DCAF4: variants seen among roughly 807,000 people sequenced by gnomAD.
DCAF4 encodes the protein DDB1- and CUL4-associated factor 4.
A neutral mutation model predicts 60.9 loss-of-function variants in DCAF4; 37 were observed. The ratio of observed to expected loss-of-function variants is 0.61; its 90% CI spans 0.47 to 0.80. The LOEUF is 0.80. Among genes scored for constraint, DCAF4 ranks in the 30% least tolerant of loss-of-function variants. The pLI is 0.00. For missense variants in DCAF4, 577 were observed against 650.0 expected (o/e 0.89, Z 1.22); for synonymous variants, 243 against 254.8 (o/e 0.95, Z 0.44).
At chr14:72,956,590 AC>A in intron 13 of DCAF4, 90 bp downstream of exon 13, 1 of 1,268,032 alleles carries the variant, frequency 7.9e-7, no homozygotes, top group South Asian at 1.3e-5. Context: ...GGGAAAAGTT[AC>A]CCCAAAACAG....
intron 1 of DCAF4, among the ~76,000 whole-genome samples, chr14:72,931,372 T>C (rs1888561848): frequency 6.6e-6 from 1 of 152,004 alleles, no homozygotes; most frequent in South Asian, 2.1e-4. Context: ...GGCTGTTCAT[T>C]GCCTGAACCA....
At chr14:72,936,189 T>C (rs1889240837) in intron 1 of DCAF4, among the ~76,000 whole-genome samples, 1 of 152,242 alleles carries the variant, frequency 6.6e-6, no homozygotes, top group African/African-American at 2.4e-5. Flanking sequence ...CTGTATTCTT[T>C]AGCTGGGGTA....
chr14:72,929,858 T>C (rs1599564855), intron 1 of DCAF4: 3 of 1,480,726 alleles, frequency 2.0e-6, no homozygotes, highest in Non-Finnish European at 2.8e-6. Context: ...CGGCTGTGCC[T>C]GGGCTTGCTC....
At chr14:72,957,389 A>G (rs1009890821) in intron 13 of DCAF4, 9 of 152,216 alleles carry the variant, frequency 5.9e-5, no homozygotes, top group African/African-American at 1.9e-4. Flanking sequence ...CAATGCTTTC[A>G]CACTGAAATA....
chr14:72,953,781 T>C (rs1891872151), intron 9 of DCAF4, among the ~76,000 whole-genome samples: 1 of 18,932 alleles, frequency 5.3e-5, no homozygotes, highest in Non-Finnish European at 1.3e-4. Context: ...TATTTATTTA[T>C]TTGTGTGTGT....
At chr14:72,958,576 C>G (rs1892590310) in intron 13 of DCAF4, 36 bp from the exon 14 acceptor site, 6 of 1,612,746 alleles carry the variant, frequency 3.7e-6, no homozygotes, top group Non-Finnish European at 5.1e-6. Context: ...TTTGCATTCT[C>G]TCACTAGCCT....
rs565965915 is a variant in DCAF4 at position 72,940,252 on chromosome 14, A to T, written c.226A>T (p.Lys76Ter). 15 of 1,614,066 alleles carry T rather than the reference A, an allele frequency of 9.3e-6. No homozygotes were observed. In the South Asian group the frequency reaches 1.6e-4, roughly 18 times the overall value. Reference sequence around the variant, plus strand: ...TGGGTTTTACTTTGACCCTGAAAAGAAACGCTACTTCCGCTTGCTCCCTGG... The same window carrying T: ...TGGGTTTTACTTTGACCCTGAAAAGTAACGCTACTTCCGCTTGCTCCCTGG... ...LPGFYFDPEK[K>*]RYFRLLPGHN... Residue 76 changes from lysine (K) to a stop codon, truncating the protein, a stop_gained, in exon 4 of 14, where the codon AAA becomes TAA. Coordinates refer to ENST00000358377, the MANE Select transcript of DCAF4 (RefSeq NM_015604.4). LOFTEE classifies it high-confidence loss of function.
intron 8 of DCAF4, among the ~76,000 whole-genome samples, 161 bp from the exon 9 acceptor site, chr14:72,951,637 A>G (rs939251369): frequency 2.6e-5 from 4 of 152,164 alleles, no homozygotes; most frequent in Admixed American, 2.6e-4. Context: ...AAAAAAAAAC[A>G]TCTGAAGGTA....
Position 72,940,302 on chromosome 14 carries a change from G to A in DCAF4, c.276G>A (p.Thr92=), listed in dbSNP as rs768918283. The A allele has an allele frequency of 7.4e-6, 12 of 1,614,052 alleles. No individual in the cohort carries two copies. The Admixed American group carries it at 1.2e-4, about 16-fold the overall frequency. The part of the protein sequence containing the change: ...LPGHNNCNPL[T]KESIRQKEME... ...GACATAACAACTGCAACCCCCTGAC[G>A]AAAGAGAGCATCCGGCAGAAGGAGA... The change falls in exon 4 of 14, where the codon ACG becomes ACA. Residue 92 remains threonine, a synonymous_variant. Coordinates refer to ENST00000358377, the MANE Select transcript of DCAF4 (RefSeq NM_015604.4).
At chr14:72,953,728 AAAAAATATATATAT>A (rs1333315928) in intron 9 of DCAF4, among the ~76,000 whole-genome samples, 16 of 37,756 alleles carry the variant, frequency 4.2e-4, no homozygotes, top group African/African-American at 1.5e-3. Flanking sequence ...AAAAAAAAAA[AAAAAATATATATAT>A]ATATATATAT....
At position 72,943,108 on chromosome 14, in the gene DCAF4, G is replaced by GGGGACACCTGCCTAGGGTGT. The variant is rs776432804; in HGVS notation, c.534+15_534+34dup. 7.6e-5 allele frequency: 123 copies of GGGGACACCTGCCTAGGGTGT among 1,612,774 alleles called. No homozygotes were observed. The highest frequency in any genetic ancestry group is 9.8e-5 in the Non-Finnish European group (115 of 1,178,904). ...TTAACCTCATACTGGTGAGTGGGAG[G>GGGGACACCTGCCTAGGGTGT]GGGACACCTGCCTAGGGTGTGGCTG... On this transcript the variant is annotated intron_variant, in intron 6 of 13. Coordinates refer to ENST00000358377, the MANE Select transcript of DCAF4 (RefSeq NM_015604.4).
intron 12 of DCAF4, among the ~76,000 whole-genome samples, chr14:72,955,971 G>A (rs1892238468): frequency 7.1e-6 from 1 of 140,392 alleles, no homozygotes; most frequent in Non-Finnish European, 1.5e-5. Context: ...CGCCCGGGCT[G>A]GAGTGCAGTG....
chr14:72,941,540 C>T (rs1270502586), intron 4 of DCAF4, among the ~76,000 whole-genome samples: 2 of 152,058 alleles, frequency 1.3e-5, no homozygotes, highest in Non-Finnish European at 2.9e-5. Context: ...AGCAGACTTT[C>T]CCACTCACAC....
At chr14:72,942,625 C>T (rs753968395) in intron 5 of DCAF4, 18 of 101,746 alleles carry the variant, frequency 1.8e-4, no homozygotes, top group Non-Finnish European at 3.5e-4. Flanking sequence ...GGGCTCTTCC[C>T]GGCAGCCGTA....
At chr14:72,930,009 G>C in intron 1 of DCAF4, 1 of 607,184 alleles carries the variant, frequency 1.6e-6, no homozygotes, top group Non-Finnish European at 2.9e-6. Context: ...GCTCGTGCCT[G>C]TAATTCCGGC....
chr14:72,958,800 A>G lies in DCAF4; in HGVS notation c.1483A>G (p.Ser495Gly). Reference sequence around the variant, plus strand: ...GCAGGACCTTTACTGTTACTCCTACAGCTAATTCTGCAGGGCACAGCCCAG... The same window carrying G: ...GCAGGACCTTTACTGTTACTCCTACGGCTAATTCTGCAGGGCACAGCCCAG... ...VGQDLYCYSY[S>G] The change falls in exon 14 of 14, where the codon AGC becomes GGC. Residue 495 changes from serine to glycine, a missense_variant. Ser to Gly is a moderately conservative substitution (Grantham distance 56). Coordinates refer to ENST00000358377, the MANE Select transcript of DCAF4 (RefSeq NM_015604.4). 1 of 1,557,764 alleles carries G rather than the reference A, an allele frequency of 6.4e-7. No homozygotes were observed. The highest frequency in any genetic ancestry group is 8.7e-7 in the Non-Finnish European group (1 of 1,154,722).
In DCAF4 at chr14:72,959,119, A is replaced by G. The variant is rs940415291; in HGVS notation, c.*314A>G. On this transcript the variant is annotated 3_prime_UTR_variant, in exon 14 of 14. Transcript: ENST00000358377. ...AAAAGGACTTTTCTAAGGACTGAAG[A>G]TTGGCAAAAACGAAAAGCTTCTTCC... 150 of 1,043,140 alleles carry G rather than the reference A, an allele frequency of 1.4e-4. No individual in the cohort carries two copies. The highest frequency in any genetic ancestry group is 5.7e-4 in the South Asian group (13 of 22,746). The allele number at this position is 1,043,140 out of a possible 1,614,324, so 64.6% of individuals were successfully genotyped here.
chr14:72,932,879 TTTTTC>T (rs1272387705), intron 1 of DCAF4, among the ~76,000 whole-genome samples: 1 of 140,018 alleles, frequency 7.1e-6, no homozygotes, highest in African/African-American at 2.5e-5. Context: ...GAATAATTTT[TTTTTC>T]TTTCTTTCTT....
At chr14:72,937,389 A>C (rs1023966092) in intron 1 of DCAF4, among the ~76,000 whole-genome samples, 1 of 145,920 alleles carries the variant, frequency 6.9e-6, no homozygotes, top group Non-Finnish European at 1.5e-5. Flanking sequence ...TAGGGGTTTC[A>C]TGCCTGGCAA....
Sources: gnomAD v4.1 joint callset for allele counts (sites outside exome capture counted in the v4.1 genomes callset) on GRCh38, gnomAD v4.1.1 for gene constraint, MANE v1.5 for transcripts, NCBI Gene and HGNC (gene_info 2026-07-23, HGNC 2026-07-21) for gene names.